The following DISP3 variants were observed in gnomAD, a reference collection of about 807,000 sequenced individuals.
The protein encoded by DISP3 is dispatched RND transporter family member 3.
In DISP3, 101 loss-of-function variants were observed where a neutral mutation model predicts 135.3. That is an observed-to-expected ratio of 0.75 (90% confidence interval 0.64 to 0.88). DISP3 has a LOEUF of 0.88. Ranked by LOEUF, DISP3 falls within the 40% of genes least tolerant of loss-of-function variation. DISP3 has a pLI of 0.00. For missense variants in DISP3, 1,713 were observed against 1,878.6 expected (o/e 0.91, Z 1.63); for synonymous variants, 856 against 817.0 (o/e 1.05, Z -0.81).
intron 1 of DISP3, among the ~76,000 whole-genome samples, chr1:11,497,113 C>G (rs12731530): frequency 0.1 from 15,849 of 152,204 alleles, 1,068 homozygotes; most frequent in East Asian, 0.21. Context: ...CTTCCCAACC[C>G]GGAGGAAGCT....
chr1:11,521,299 G>C (rs1642183551), intron 10 of DISP3, among the ~76,000 whole-genome samples: 1 of 145,358 alleles, frequency 6.9e-6, no homozygotes, highest in Non-Finnish European at 1.5e-5. Flanking sequence ...GGGGAAAGGA[G>C]GGAAGGGGTG....
chr1:11,534,795 C>T, intron 18 of DISP3: 1 of 758,142 alleles, frequency 1.3e-6, no homozygotes, highest in South Asian at 1.5e-5. Context: ...TGGCAGCTGC[C>T]AGTTACCAGC....
intron 6 of DISP3, among the ~76,000 whole-genome samples, chr1:11,517,069 C>T (rs541013465): frequency 1.1e-4 from 16 of 152,312 alleles, no homozygotes; most frequent in South Asian, 8.3e-4. Flanking sequence ...TCCCTGCCTC[C>T]GTCATGTGGC....
chr1:11,534,101 G>C (rs188015778), intron 17 of DISP3, among the ~76,000 whole-genome samples: 2 of 152,350 alleles, frequency 1.3e-5, no homozygotes, highest in African/African-American at 4.8e-5. Flanking sequence ...AGAGGGAACA[G>C]CATGCACTCT....
At position 11,516,239 on chromosome 1, in the gene DISP3, A is replaced by G; in HGVS notation, c.1749+78A>G. 1 of 1,524,216 alleles carries G rather than the reference A, an allele frequency of 6.6e-7. No individual in the cohort carries two copies. The highest frequency in any genetic ancestry group is 1.4e-5 in the African/African-American group (1 of 73,252). 94.4% of individuals were successfully genotyped at this position (1,524,216 alleles called of 1,614,324 possible). A position where few individuals can be genotyped will look rare whatever the true frequency, so the allele number is the denominator to read the frequency against. On this transcript the variant is annotated intron_variant, in intron 6 of 20. Transcript: ENST00000294484. This position sits in a 1 kb window ranked among gnomAD's most constrained non-coding sequence, Gnocchi z 5.1. Reference sequence around the variant, plus strand: ...CTAGCCGCTGGTCTCTGCCCTTCCCACCACCGCTTGAGTGGCCATATAGCC... The same window carrying G: ...CTAGCCGCTGGTCTCTGCCCTTCCCGCCACCGCTTGAGTGGCCATATAGCC...
chr1:11,512,457 C>T (rs2100443715), intron 3 of DISP3, among the ~76,000 whole-genome samples: 1 of 152,312 alleles, frequency 6.6e-6, no homozygotes, highest in East Asian at 1.9e-4. Context: ...TAGCAAAATG[C>T]CACCAGTCTC....
intron 1 of DISP3, among the ~76,000 whole-genome samples, chr1:11,487,406 C>T (rs980002130): frequency 2.6e-5 from 4 of 152,228 alleles, no homozygotes; most frequent in African/African-American, 4.8e-5. Context: ...CGGCTGCCAC[C>T]GCTACCCCTG....
chr1:11,495,070 G>T (rs1641293798), intron 1 of DISP3, among the ~76,000 whole-genome samples: 1 of 152,170 alleles, frequency 6.6e-6, no homozygotes, highest in Non-Finnish European at 1.5e-5. Context: ...CCTGTGACTT[G>T]AAGATTGGCT....
chr1:11,487,832 C>T (rs764729177), intron 1 of DISP3, among the ~76,000 whole-genome samples: 3 of 152,166 alleles, frequency 2.0e-5, no homozygotes, highest in South Asian at 2.1e-4. Flanking sequence ...AGGCTGAAAG[C>T]GGATGGAAGC....
chr1:11,511,094 A>G (rs187964980), intron 3 of DISP3, among the ~76,000 whole-genome samples: 2 of 152,218 alleles, frequency 1.3e-5, no homozygotes, highest in Non-Finnish European at 2.9e-5. Context: ...CTCCCACAAC[A>G]CATGGGAATT....
chr1:11,523,271 C>T (rs529773498), intron 10 of DISP3, among the ~76,000 whole-genome samples: 2 of 152,304 alleles, frequency 1.3e-5, no homozygotes, highest in Admixed American at 6.5e-5. Context: ...TAACACACAA[C>T]GCTTGAGGCA....
intron 7 of DISP3, among the ~76,000 whole-genome samples, chr1:11,518,323 G>T (rs2745262): frequency 2.0e-5 from 3 of 152,146 alleles, no homozygotes; most frequent in African/African-American, 7.2e-5. Context: ...AGGGCCCAGC[G>T]AGGAGCTTAG....
At chr1:11,522,702 C>G (rs1309763276) in intron 10 of DISP3, among the ~76,000 whole-genome samples, 3 of 131,840 alleles carry the variant, frequency 2.3e-5, no homozygotes, top group African/African-American at 2.9e-5. Flanking sequence ...AGGGCCCAGC[C>G]AGGACCCAGC....
At chr1:11,480,652 A>G (rs1335718379) in intron 1 of DISP3, among the ~76,000 whole-genome samples, 1 of 148,964 alleles carries the variant, frequency 6.7e-6, no homozygotes, top group East Asian at 2.0e-4. Flanking sequence ...AAGCACAGAC[A>G]CACTTCCACC....
At position 11,535,046 on chromosome 1, in the gene DISP3, C is replaced by T; in HGVS notation, c.3571C>T (p.Leu1191=). 6.2e-7 allele frequency: 1 copy of T among 1,603,374 alleles called. No homozygotes were observed. The highest frequency in any genetic ancestry group is 1.3e-5 in the African/African-American group (1 of 74,978). The change falls in exon 19 of 21, where the codon CTG becomes TTG. Residue 1191 remains leucine (L), a synonymous_variant. Coordinates refer to ENST00000294484, the MANE Select transcript of DISP3 (RefSeq NM_020780.2). ...QSALCGLVLS[L]LICVAAVAVF... ...CGCCCTGTGCGGCCTGGTGCTATCC[C>T]TGCTCATCTGCGTGGCCGCGGTGGC...
At chr1:11,532,933 T>C (rs1642611307) in intron 17 of DISP3, among the ~76,000 whole-genome samples, 1 of 152,166 alleles carries the variant, frequency 6.6e-6, no homozygotes, top group African/African-American at 2.4e-5. Context: ...CTCGAACTCC[T>C]GACCTCAGGT....
chr1:11,511,817 C>G (rs1389760982), intron 3 of DISP3, among the ~76,000 whole-genome samples: 2 of 152,222 alleles, frequency 1.3e-5, no homozygotes, highest in African/African-American at 4.8e-5. Flanking sequence ...GGCTTCACCC[C>G]TGCAGCAAAC....
rs77314478 is a variant in DISP3 at position 11,534,404 on chromosome 1, C to T, written c.3399C>T (p.Ser1133=). The T allele has an allele frequency of 0.011, 17,348 of 1,614,252 alleles. 112 individuals are homozygous for T. The highest frequency in any genetic ancestry group is 0.013 in the Non-Finnish European group (14,816 of 1,180,036). ...AGACCACGTACAAGGGCAAATCCTC[C>T]TTCCAGACCTACTCGGACTACCTGC... ...FESTTYKGKS[S]FQTYSDYLRW... The change falls in exon 18 of 21, where the codon TCC becomes TCT. Residue 1133 remains serine (S), a synonymous_variant. Transcript: ENST00000294484.
chr1:11,522,618 A>ACCCAGCCAGAG (rs1352986820), intron 10 of DISP3, among the ~76,000 whole-genome samples: 1 of 35,430 alleles, frequency 2.8e-5, no homozygotes, highest in Non-Finnish European at 6.1e-5. Flanking sequence ...CCCAGCCAGG[A>ACCCAGCCAGAG]CCCAGCCAGA....
Sources: gnomAD v4.1 joint callset for allele counts (sites outside exome capture counted in the v4.1 genomes callset) on GRCh38, gnomAD v4.1.1 for gene constraint, Gnocchi (gnomAD v3.1) non-coding constraint, MANE v1.5 for transcripts, NCBI Gene and HGNC (gene_info 2026-07-23, HGNC 2026-07-21) for gene names.